SLC24A2: variants seen among roughly 807,000 people sequenced by gnomAD.
The protein encoded by SLC24A2 is sodium/potassium/calcium exchanger 2.
A neutral mutation model predicts 62.0 loss-of-function variants in SLC24A2; 36 were observed. The observed-to-expected ratio is 0.58, with a 90% CI of 0.44 to 0.77. SLC24A2 has a LOEUF of 0.77. Among genes scored for constraint, SLC24A2 ranks in the 30% least tolerant of loss-of-function variants. The pLI is 0.00. For synonymous variants in SLC24A2, 358 were observed against 294.0 expected, an observed-to-expected ratio of 1.22 and a Z score of -2.23; for missense variants, 846 against 817.9, an observed-to-expected ratio of 1.03 and a Z score of -0.42.
chr9:19,910,964 T>C, the SLC24A2 span, among the ~76,000 whole-genome samples: 1 of 151,530 alleles, frequency 6.6e-6, no homozygotes, highest in Non-Finnish European at 1.5e-5. Context: ...ATGTGCACAA[T>C]GTGCAGGTTA....
At chr9:19,656,935 G>C (rs146192513) in intron 2 of SLC24A2, among the ~76,000 whole-genome samples, 11 of 152,130 alleles carry the variant, frequency 7.2e-5, no homozygotes, top group Non-Finnish European at 1.5e-4. Flanking sequence ...GATTCACTAG[G>C]GTGACACTCC....
At chr9:19,553,389 A>G (rs1405827687) in intron 7 of SLC24A2, among the ~76,000 whole-genome samples, 1 of 152,190 alleles carries the variant, frequency 6.6e-6, no homozygotes, top group Non-Finnish European at 1.5e-5. Context: ...GTGTCCATAG[A>G]AAACAAAACA....
intron 8 of SLC24A2, 150 bp downstream of exon 8, chr9:19,549,987 C>T (rs1282589606): frequency 2.2e-5 from 16 of 728,742 alleles, no homozygotes; most frequent in South Asian, 3.1e-5. Context: ...TTTCTTGTTA[C>T]ATAATAGTTG....
chr9:19,721,043 C>A (rs1290139388), intron 2 of SLC24A2, among the ~76,000 whole-genome samples: 4 of 152,064 alleles, frequency 2.6e-5, no homozygotes, highest in South Asian at 2.1e-4. Flanking sequence ...AGTTTCTGAT[C>A]CTTCTTCCCA....
intron 2 of SLC24A2, among the ~76,000 whole-genome samples, chr9:19,665,432 T>C (rs1340569013): frequency 6.6e-6 from 1 of 152,118 alleles, no homozygotes; most frequent in South Asian, 2.1e-4. Context: ...TGGGTGTTTA[T>C]GCCATCGTGA....
At chr9:20,029,306 A>T in the SLC24A2 span, among the ~76,000 whole-genome samples, 1 of 152,210 alleles carries the variant, frequency 6.6e-6, no homozygotes, top group Non-Finnish European at 1.5e-5. Flanking sequence ...CACCCTTGGC[A>T]TGCTCATCAT....
chr9:20,207,386 T>C, the SLC24A2 span, among the ~76,000 whole-genome samples: 1 of 152,218 alleles, frequency 6.6e-6, no homozygotes, highest in African/African-American at 2.4e-5. Flanking sequence ...TGCTACTAAA[T>C]CACACTCTTG....
chr9:19,696,919 G>A (rs1455216997), intron 2 of SLC24A2, among the ~76,000 whole-genome samples: 2 of 151,984 alleles, frequency 1.3e-5, no homozygotes, highest in African/African-American at 4.8e-5. Context: ...AGGTATATAA[G>A]GTAACTTTGT....
chr9:19,632,939 TC>T lies in SLC24A2; in HGVS notation c.931-10641del, dbSNP rs1364107388. The stretch of plus-strand genomic sequence containing the variant: ...ATTAACTATAACATCATCACAAGAC[TC>T]CCTTGTGCTATCCCTTTAGGTCTAC... On this transcript the variant is annotated intron_variant, in intron 2 of 10. Transcript: ENST00000341998. The surrounding 1 kb of genome is among the most constrained non-coding windows in gnomAD (Gnocchi z 4.5). Among the ~76,000 whole-genome samples the T allele has an allele frequency of 6.6e-6, 1 of 152,172 alleles. No individual in the cohort carries two copies. The highest frequency in any genetic ancestry group is 1.5e-5 in the Non-Finnish European group (1 of 68,030).
chr9:20,141,427 C>T, the SLC24A2 span, among the ~76,000 whole-genome samples: 3 of 152,238 alleles, frequency 2.0e-5, no homozygotes, highest in African/African-American at 7.2e-5. Context: ...TCTAATTCTC[C>T]TATCCCGAAT....
At chr9:20,229,257 T>C in the SLC24A2 span, among the ~76,000 whole-genome samples, 4 of 152,230 alleles carry the variant, frequency 2.6e-5, no homozygotes, top group Non-Finnish European at 4.4e-5. Flanking sequence ...ATCCAGGCTC[T>C]GTTACTTAAT....
At chr9:19,584,471 A>C (rs1836305358) in intron 5 of SLC24A2, among the ~76,000 whole-genome samples, 1 of 152,156 alleles carries the variant, frequency 6.6e-6, no homozygotes, top group South Asian at 2.1e-4. Flanking sequence ...TTACGAGGGT[A>C]TGGAGGCCCA....
chr9:20,228,663 G>A, the SLC24A2 span, among the ~76,000 whole-genome samples: 3 of 152,082 alleles, frequency 2.0e-5, no homozygotes, highest in Non-Finnish European at 4.4e-5. Flanking sequence ...TCCAGGAAGA[G>A]GTCAAGTCCT....
At chr9:19,767,839 T>C (rs1019660145) in intron 2 of SLC24A2, among the ~76,000 whole-genome samples, 2 of 152,206 alleles carry the variant, frequency 1.3e-5, no homozygotes, top group African/African-American at 2.4e-5. Context: ...TTGTTGGTTA[T>C]AAAAGAATAC....
chr9:19,627,549 G>A (rs1236034709), intron 2 of SLC24A2, among the ~76,000 whole-genome samples: 1 of 152,112 alleles, frequency 6.6e-6, no homozygotes, highest in Non-Finnish European at 1.5e-5. Context: ...ATCAGATAGA[G>A]GCTTGCTCTG....
intron 2 of SLC24A2, among the ~76,000 whole-genome samples, chr9:19,700,462 T>C (rs1041797890): frequency 6.6e-6 from 1 of 152,212 alleles, no homozygotes; most frequent in South Asian, 2.1e-4. Context: ...TAAAAATGTA[T>C]GGATTCTTTT....
the SLC24A2 span, chr9:19,967,954 T>A: frequency 2.6e-5 from 4 of 152,292 alleles, no homozygotes; most frequent in Admixed American, 2.0e-4. Flanking sequence ...ATAACTTTTT[T>A]AAAAACATAC....
At chr9:20,027,130 C>T in the SLC24A2 span, among the ~76,000 whole-genome samples, 1 of 151,788 alleles carries the variant, frequency 6.6e-6, no homozygotes, top group Non-Finnish European at 1.5e-5. Context: ...TTATCTCATC[C>T]CAGTTACAAT....
chr9:19,711,524 T>A (rs918383957), intron 2 of SLC24A2, among the ~76,000 whole-genome samples: 1 of 152,216 alleles, frequency 6.6e-6, no homozygotes, highest in Admixed American at 6.5e-5. Context: ...ACTCTACTGA[T>A]TGAGGAGCCT....
Sources: allele counts gnomAD v4.1 joint callset (sites outside exome capture counted in the v4.1 genomes callset), GRCh38; gene constraint gnomAD v4.1.1; non-coding constraint Gnocchi (gnomAD v3.1); transcripts MANE v1.5; gene names NCBI Gene and HGNC (gene_info 2026-07-23, HGNC 2026-07-21).